VAT1L: variants seen among roughly 807,000 people sequenced by gnomAD.
VAT1L encodes the protein vesicle amine transport 1 like.
In VAT1L, 34 loss-of-function variants were observed where a neutral mutation model predicts 44.1. That is an observed-to-expected ratio of 0.77 (90% CI 0.59 to 1.03). The LOEUF is 1.03. VAT1L is among the 50% of genes least tolerant of loss of function. The probability of loss-of-function intolerance (pLI) is 0.00; values close to 1 mark genes in which losing one functional copy is unlikely to be tolerated. For synonymous variants in VAT1L, 253 were observed against 202.2 expected, an observed-to-expected ratio of 1.25 and a Z score of -2.13; for missense variants, 615 against 538.8, an observed-to-expected ratio of 1.14 and a Z score of -1.40.
At chr16:77,819,629 C>A (rs1264365868) in intron 2 of VAT1L, among the ~76,000 whole-genome samples, 1 of 152,176 alleles carries the variant, frequency 6.6e-6, no homozygotes, top group Admixed American at 6.5e-5. Context: ...GTGATCCACC[C>A]GCCTCAACCT....
intron 7 of VAT1L, among the ~76,000 whole-genome samples, chr16:77,953,119 G>A (rs2018063512): frequency 6.6e-6 from 1 of 152,154 alleles, no homozygotes; most frequent in African/African-American, 2.4e-5. Context: ...GGAGTGATGT[G>A]TCTCCAAGCC....
intron 7 of VAT1L, among the ~76,000 whole-genome samples, chr16:77,892,126 G>T (rs1470200900): frequency 6.6e-6 from 1 of 152,182 alleles, no homozygotes; most frequent in Non-Finnish European, 1.5e-5. Flanking sequence ...AATGGCCCGA[G>T]TCAAGGCTGT....
At chr16:77,924,483 CAG>C (rs1041271172) in intron 7 of VAT1L, among the ~76,000 whole-genome samples, 3 of 152,020 alleles carry the variant, frequency 2.0e-5, no homozygotes, top group Non-Finnish European at 4.4e-5. Context: ...TTTCCTGAGA[CAG>C]AGTCTTGCTC....
chr16:77,893,508 C>T (rs1347812061), intron 7 of VAT1L, among the ~76,000 whole-genome samples: 1 of 152,222 alleles, frequency 6.6e-6, no homozygotes, highest in Non-Finnish European at 1.5e-5. Context: ...GAAAGTGGAG[C>T]TGTCCACAGA....
chr16:77,816,601 T>C (rs1258056241), intron 1 of VAT1L, among the ~76,000 whole-genome samples: 1 of 152,214 alleles, frequency 6.6e-6, no homozygotes, highest in East Asian at 1.9e-4. Context: ...AATATGTTTT[T>C]AGAGTAAGCA....
At chr16:77,893,335 G>A (rs1193074245) in intron 7 of VAT1L, among the ~76,000 whole-genome samples, 2 of 152,204 alleles carry the variant, frequency 1.3e-5, no homozygotes, top group Non-Finnish European at 2.9e-5. Context: ...CAGAAATAAA[G>A]GACAAAGGGG....
chr16:77,930,984 A>T (rs193265936), intron 7 of VAT1L, among the ~76,000 whole-genome samples: 9 of 152,288 alleles, frequency 5.9e-5, no homozygotes, highest in East Asian at 5.8e-4. Flanking sequence ...TAAACCTCAA[A>T]ACTCTAAAGG....
chr16:77,957,617 C>T (rs1464703973), intron 7 of VAT1L, among the ~76,000 whole-genome samples: 1 of 151,678 alleles, frequency 6.6e-6, no homozygotes, highest in African/African-American at 2.4e-5. Context: ...CCCAGCTACT[C>T]GGGAGGCTGA....
At chr16:77,950,680 C>T (rs943646695) in intron 7 of VAT1L, among the ~76,000 whole-genome samples, 3 of 152,156 alleles carry the variant, frequency 2.0e-5, no homozygotes, top group Non-Finnish European at 4.4e-5. Flanking sequence ...GCCTGATGGA[C>T]ATTTTGCTCC....
chr16:77,923,283 T>C (rs1033311492), intron 7 of VAT1L, among the ~76,000 whole-genome samples: 5 of 152,190 alleles, frequency 3.3e-5, no homozygotes, highest in African/African-American at 1.2e-4. Context: ...ACCCCGTATC[T>C]ACCAAAAATA....
intron 3 of VAT1L, among the ~76,000 whole-genome samples, chr16:77,835,355 T>G (rs1022476643): frequency 2.0e-5 from 3 of 152,234 alleles, no homozygotes; most frequent in African/African-American, 7.2e-5. Context: ...TCCAGATTTT[T>G]TGGCTGCCTC....
At chr16:77,877,646 C>G (rs189040347) in intron 5 of VAT1L, among the ~76,000 whole-genome samples, 1 of 151,580 alleles carries the variant, frequency 6.6e-6, no homozygotes, top group Non-Finnish European at 1.5e-5. Context: ...ATTCTTGGTA[C>G]CTTGTCCCCT....
chr16:77,862,168 G>A (rs2016921519), intron 3 of VAT1L, among the ~76,000 whole-genome samples: 1 of 152,140 alleles, frequency 6.6e-6, no homozygotes, highest in Non-Finnish European at 1.5e-5. Flanking sequence ...AGGACATTTT[G>A]TCCTTCCACC....
chr16:77,848,367 T>C (rs1003006089), intron 3 of VAT1L, among the ~76,000 whole-genome samples: 39 of 152,210 alleles, frequency 2.6e-4, no homozygotes, highest in African/African-American at 9.4e-4. Flanking sequence ...ACATTTTAGG[T>C]CCTAAGAGTC....
chr16:77,944,352 T>C (rs2017932859), intron 7 of VAT1L, among the ~76,000 whole-genome samples: 1 of 152,152 alleles, frequency 6.6e-6, no homozygotes, highest in Non-Finnish European at 1.5e-5. Context: ...CCCCTAAAAA[T>C]TGTAACTAAA....
intron 3 of VAT1L, among the ~76,000 whole-genome samples, chr16:77,837,101 G>A (rs1233395658): frequency 6.6e-6 from 1 of 152,182 alleles, no homozygotes; most frequent in Admixed American, 6.5e-5. Context: ...GCTAGGCTGG[G>A]CTGACAGGTA....
chr16:77,807,185 G>A (rs1178926427), intron 1 of VAT1L, among the ~76,000 whole-genome samples: 1 of 152,142 alleles, frequency 6.6e-6, no homozygotes, highest in African/African-American at 2.4e-5. Flanking sequence ...AACCCTGAAA[G>A]GAGAGATCAC....
At chr16:77,976,161 AG>A (rs1408875899) in intron 8 of VAT1L, among the ~76,000 whole-genome samples, 18 of 152,222 alleles carry the variant, frequency 1.2e-4, no homozygotes, top group African/African-American at 4.3e-4. Flanking sequence ...AGAAAACTGC[AG>A]AGACATGGTC....
chr16:77,825,057 G>C (rs2145245957), intron 2 of VAT1L, among the ~76,000 whole-genome samples, 189 bp from the exon 3 acceptor site: 1 of 151,968 alleles, frequency 6.6e-6, no homozygotes, highest in South Asian at 2.1e-4. Context: ...AGTAGAGATG[G>C]GGTTTTACCA....
Sources: allele counts gnomAD v4.1 joint callset (sites outside exome capture counted in the v4.1 genomes callset), GRCh38; gene constraint gnomAD v4.1.1; transcripts MANE v1.5; gene names NCBI Gene and HGNC (gene_info 2026-07-23, HGNC 2026-07-21).